The following TTLL5 variants were observed in gnomAD, a reference collection of about 807,000 sequenced individuals.
TTLL5 encodes tubulin tyrosine ligase like 5, also known as tubulin polyglutamylase TTLL5.
Under a neutral mutation model 168.4 loss-of-function variants are expected in TTLL5, and 132 were observed. The ratio of observed to expected loss-of-function variants is 0.78; its 90% confidence interval spans 0.68 to 0.91. TTLL5 has a LOEUF of 0.91. Among genes scored for constraint, TTLL5 ranks in the 40% least tolerant of loss-of-function variants. The probability of loss-of-function intolerance (pLI) is 0.00; values close to 1 mark genes in which losing one functional copy is unlikely to be tolerated. For missense variants in TTLL5, 1,545 were observed against 1,581.5 expected, an observed-to-expected ratio of 0.98 and a Z score of 0.39; for synonymous variants, 546 against 558.6, an observed-to-expected ratio of 0.98 and a Z score of 0.32.
intron 31 of TTLL5, among the ~76,000 whole-genome samples, chr14:75,914,369 G>C (rs997733759): frequency 6.6e-6 from 1 of 151,764 alleles, no homozygotes; most frequent in Non-Finnish European, 1.5e-5. Context: ...CTAAAGAAAA[G>C]AACACATACA....
chr14:75,876,074 C>T (rs929214325), intron 29 of TTLL5, among the ~76,000 whole-genome samples: 7 of 152,206 alleles, frequency 4.6e-5, no homozygotes, highest in African/African-American at 1.2e-4. Flanking sequence ...TGCATCAGAA[C>T]GTCAACCAGT....
intron 6 of TTLL5, among the ~76,000 whole-genome samples, chr14:75,694,853 C>A (rs1198985838): frequency 6.6e-6 from 1 of 152,198 alleles, no homozygotes; most frequent in Non-Finnish European, 1.5e-5. Flanking sequence ...TTTCCTATGT[C>A]TGTCTTTACT....
At chr14:75,716,882 C>T (rs1887505785) in intron 9 of TTLL5, among the ~76,000 whole-genome samples, 1 of 152,112 alleles carries the variant, frequency 6.6e-6, no homozygotes, top group African/African-American at 2.4e-5. Context: ...TCAGTGGGCT[C>T]CATGTTTAAT....
At chr14:75,912,251 C>A (rs932285003) in intron 31 of TTLL5, among the ~76,000 whole-genome samples, 1 of 152,144 alleles carries the variant, frequency 6.6e-6, no homozygotes, top group African/African-American at 2.4e-5. Flanking sequence ...AGCAAAGTGC[C>A]CCTGGTGGGC....
chr14:75,949,418 G>C (rs2034882781), intron 31 of TTLL5, among the ~76,000 whole-genome samples: 1 of 122,804 alleles, frequency 8.1e-6, no homozygotes. Context: ...TGGTTTTATA[G>C]AGTATATATA....
chr14:75,898,392 C>T (rs1803943829), intron 30 of TTLL5, among the ~76,000 whole-genome samples: 2 of 152,104 alleles, frequency 1.3e-5, no homozygotes, highest in South Asian at 2.1e-4. Context: ...CTATAGTCCC[C>T]GCACTTTGGG....
At position 75,820,893 on chromosome 14, in the gene TTLL5, C is replaced by T. The variant is rs187713206; in HGVS notation, c.3326+732C>T. 11 of 151,702 alleles carry T rather than the reference C, an allele frequency of 7.3e-5. 1 individual carries two copies. The highest frequency in any genetic ancestry group is 1.3e-4 in the Non-Finnish European group (9 of 67,958). The allele number at this position is 151,702 out of a possible 1,614,324, so 9.4% of individuals were successfully genotyped here. ...GATTAAATTGCATCAGTCCCTGAGT[C>T]GAATGCGCTAGAGAGAAATGTGACT... On this transcript the variant is annotated intron_variant, in intron 28 of 31. Coordinates refer to ENST00000298832, the MANE Select transcript of TTLL5 (RefSeq NM_015072.5).
At chr14:75,840,710 C>T (rs1056687658) in intron 28 of TTLL5, among the ~76,000 whole-genome samples, 1 of 152,038 alleles carries the variant, frequency 6.6e-6, no homozygotes, top group Non-Finnish European at 1.5e-5. Flanking sequence ...AATGGGAATC[C>T]CTTGCCTTTT....
chr14:75,920,421 G>A (rs867524393), intron 31 of TTLL5, among the ~76,000 whole-genome samples: 1 of 152,040 alleles, frequency 6.6e-6, no homozygotes. Flanking sequence ...ACAGGCCCTG[G>A]TGTGTGATGT....
At chr14:75,798,720 C>T (rs1893124127) in intron 27 of TTLL5, among the ~76,000 whole-genome samples, 1 of 152,056 alleles carries the variant, frequency 6.6e-6, no homozygotes, top group African/African-American at 2.4e-5. Context: ...TCATTGTTGA[C>T]CCAATGACCA....
At chr14:75,847,040 C>T (rs992444803) in intron 28 of TTLL5, among the ~76,000 whole-genome samples, 3 of 152,040 alleles carry the variant, frequency 2.0e-5, no homozygotes, top group Admixed American at 6.5e-5. Flanking sequence ...CTTGCTCTGT[C>T]GCCCAGGCTG....
At chr14:75,730,634 A>G (rs1269594962) in intron 12 of TTLL5, among the ~76,000 whole-genome samples, 15 of 152,210 alleles carry the variant, frequency 9.9e-5, no homozygotes, top group Admixed American at 9.2e-4. Context: ...TAAAGAGGCT[A>G]AAGGAAACCA....
chr14:75,941,843 CTTTTTTTT>C (rs71122506), intron 31 of TTLL5, among the ~76,000 whole-genome samples: 4 of 69,408 alleles, frequency 5.8e-5, no homozygotes, highest in South Asian at 5.6e-4. Flanking sequence ...TCATGATGAA[CTTTTTTTT>C]TTTTTTTTTT....
chr14:75,839,658 C>T (rs912714102), intron 28 of TTLL5, among the ~76,000 whole-genome samples: 3 of 152,046 alleles, frequency 2.0e-5, no homozygotes. Context: ...AAACCGTGCC[C>T]ATTATTCAAT....
At chr14:75,909,918 T>C (rs2033301796) in intron 31 of TTLL5, among the ~76,000 whole-genome samples, 1 of 152,238 alleles carries the variant, frequency 6.6e-6, no homozygotes, top group Non-Finnish European at 1.5e-5. Context: ...ATTTAGTAAC[T>C]GTTTCTACAT....
intron 26 of TTLL5, among the ~76,000 whole-genome samples, chr14:75,784,385 A>G (rs183514537): frequency 2.8e-4 from 43 of 152,358 alleles, no homozygotes; most frequent in African/African-American, 9.9e-4. Context: ...TTCACTTAGC[A>G]TAATGTTTTT....
At chr14:75,694,329 C>G (rs768504541) in intron 6 of TTLL5, among the ~76,000 whole-genome samples, 1 of 152,106 alleles carries the variant, frequency 6.6e-6, no homozygotes, top group Non-Finnish European at 1.5e-5. Flanking sequence ...AGTGAAGCAC[C>G]AGAAGAAGCA....
intron 28 of TTLL5, among the ~76,000 whole-genome samples, chr14:75,843,877 G>GTTTTGTTTTATTTTA (rs1208784264): frequency 0.022 from 2,852 of 130,630 alleles, 80 homozygotes; most frequent in South Asian, 0.11. Context: ...GTTTTGTTTT[G>GTTTTGTTTTATTTTA]TTTTATTTTA....
At chr14:75,874,868 G>T (rs2139997153) in intron 29 of TTLL5, among the ~76,000 whole-genome samples, 1 of 149,476 alleles carries the variant, frequency 6.7e-6, no homozygotes, top group South Asian at 2.2e-4. Flanking sequence ...TTTCAAAATG[G>T]AACTATAAGA....
Sources: allele counts gnomAD v4.1 joint callset (sites outside exome capture counted in the v4.1 genomes callset), GRCh38; gene constraint gnomAD v4.1.1; transcripts MANE v1.5; gene names NCBI Gene and HGNC (gene_info 2026-07-23, HGNC 2026-07-21).